The following PTPN2 variants were observed in gnomAD, a reference collection of about 807,000 sequenced individuals.
PTPN2 encodes tyrosine-protein phosphatase non-receptor type 2.
PTPN2 carries 19 observed loss-of-function variants against 57.3 expected under a neutral mutation model. That is an observed-to-expected ratio of 0.33 (90% CI 0.23 to 0.49). The LOEUF (loss-of-function observed/expected upper bound fraction) is 0.49. Ranked by LOEUF, PTPN2 falls within the 20% of genes least tolerant of loss-of-function variation. The probability of loss-of-function intolerance (pLI) is 0.99; values close to 1 mark genes in which losing one functional copy is unlikely to be tolerated. For synonymous variants in PTPN2, 153 were observed against 164.9 expected, an observed-to-expected ratio of 0.93 and a Z score of 0.55; for missense variants, 358 against 501.1, an observed-to-expected ratio of 0.71 and a Z score of 2.73.
At chr18:12,786,123 A>C (rs899650461) in intron 9 of PTPN2, 1 of 438,796 alleles carries the variant, frequency 2.3e-6, no homozygotes, top group African/African-American at 2.1e-5. Context: ...TCTTAAGGTC[A>C]TCTTATTTTA....
At chr18:12,860,811 C>T (rs1225512126) in intron 1 of PTPN2, among the ~76,000 whole-genome samples, 4 of 152,114 alleles carry the variant, frequency 2.6e-5, no homozygotes, top group Non-Finnish European at 5.9e-5. Context: ...AGGCTATGTC[C>T]GCACTAAGCT....
chr18:12,832,319 G>T (rs1452977419), intron 3 of PTPN2, among the ~76,000 whole-genome samples: 1 of 152,076 alleles, frequency 6.6e-6, no homozygotes, highest in Non-Finnish European at 1.5e-5. Flanking sequence ...GTTTCACCAT[G>T]TTGGCCAGGT....
rs558453144 is a variant in PTPN2, at chr18:12,883,962, G to A, written c.69+111C>T. 28 of 944,608 alleles carry A rather than the reference G, an allele frequency of 3.0e-5. No homozygotes were observed. In the African/African-American group the frequency reaches 3.0e-4, roughly 10 times the overall value. 58.5% of individuals were successfully genotyped at this position (944,608 alleles called of 1,614,324 possible). A position where few individuals can be genotyped will look rare whatever the true frequency, so the allele number is the denominator to read the frequency against. On this transcript the variant is annotated intron_variant, in intron 1 of 8. Transcript: ENST00000309660. Reference sequence around the variant, plus strand: ...CGGACCGCGCCGCCACTTCCGCCCCGAGCGAGAGGCTAGAGGCGAGAGGCG... The same window carrying A: ...CGGACCGCGCCGCCACTTCCGCCCCAAGCGAGAGGCTAGAGGCGAGAGGCG...
chr18:12,852,233 T>C (rs541362563), intron 2 of PTPN2, among the ~76,000 whole-genome samples: 10 of 67,074 alleles, frequency 1.5e-4, no homozygotes, highest in African/African-American at 4.1e-4. Flanking sequence ...CACACACAGA[T>C]TGTTTCATGG....
chr18:12,868,388 G>A (rs1030959061), intron 1 of PTPN2, among the ~76,000 whole-genome samples: 4 of 151,984 alleles, frequency 2.6e-5, no homozygotes, highest in Non-Finnish European at 5.9e-5. Context: ...CCAAGTGACT[G>A]GGATAACAGG....
At chr18:12,846,132 T>G (rs2043197589) in intron 2 of PTPN2, among the ~76,000 whole-genome samples, 2 of 152,236 alleles carry the variant, frequency 1.3e-5, no homozygotes. Flanking sequence ...ATGCTAAGTA[T>G]TCACTGCATC....
chr18:12,840,713 C>T, intron 2 of PTPN2: 1 of 1,598,134 alleles, frequency 6.3e-7, no homozygotes, highest in Non-Finnish European at 8.5e-7. Flanking sequence ...TAAGAGATTA[C>T]CTATTTCCTG....
intron 9 of PTPN2, chr18:12,785,937 T>C: frequency 1.8e-6 from 2 of 1,132,680 alleles, no homozygotes; most frequent in South Asian, 1.3e-5. Flanking sequence ...GGACTAACAA[T>C]GAACTGAAAA....
chr18:12,802,123 T>A lies in PTPN2; in HGVS notation c.887A>T (p.Asp296Val). 1 of 1,609,902 alleles carries A rather than the reference T, an allele frequency of 6.2e-7. No homozygotes were observed. The highest frequency in any genetic ancestry group is 8.5e-7 in the Non-Finnish European group (1 of 1,178,164). Residue 296 changes from aspartate (D) to valine (V), a missense_variant, in exon 8 of 9, where the codon GAC becomes GTC. By Grantham distance (152) the Asp-to-Val change is radical. Coordinates refer to ENST00000309660, the MANE Select transcript of PTPN2 (RefSeq NM_002828.4). ...QKRWKELSKEDLSPAFDHSPN... is the reference protein window; with the variant it reads ...QKRWKELSKEVLSPAFDHSPN... ...TGAATGATCAAAGGCAGGAGATAAG[T>A]CTTCCTTAGAAAGTTCTTTCCATCG...
chr18:12,844,005 T>A (rs1457098758), intron 2 of PTPN2: 1 of 152,226 alleles, frequency 6.6e-6, no homozygotes, highest in Non-Finnish European at 1.5e-5. Context: ...AGAATTCTCA[T>A]CATTTCAAGA....
intron 1 of PTPN2, among the ~76,000 whole-genome samples, chr18:12,870,394 T>TAC (rs1203247351): frequency 1.2e-5 from 1 of 84,784 alleles, no homozygotes; most frequent in Non-Finnish European, 2.0e-5. Context: ...CGTATATATG[T>TAC]ATATATACAC....
intron 7 of PTPN2, among the ~76,000 whole-genome samples, chr18:12,809,621 CAA>C (rs1315775613): frequency 6.6e-6 from 1 of 152,134 alleles, no homozygotes; most frequent in Admixed American, 6.6e-5. Context: ...ATCAAGGACG[CAA>C]GGAGTCTTGG....
chr18:12,850,816 C>T (rs1365102830), intron 2 of PTPN2, among the ~76,000 whole-genome samples: 1 of 151,884 alleles, frequency 6.6e-6, no homozygotes, highest in African/African-American at 2.4e-5. Flanking sequence ...CTTGGCTCAC[C>T]GCAACCTCTG....
chr18:12,836,205 C>T (rs977740928), intron 3 of PTPN2, among the ~76,000 whole-genome samples: 19 of 152,196 alleles, frequency 1.2e-4, no homozygotes, highest in Admixed American at 1.1e-3. Flanking sequence ...AAAATCTCTC[C>T]TACTATCTCA....
At chr18:12,858,229 T>G (rs1162860237) in intron 2 of PTPN2, among the ~76,000 whole-genome samples, 2 of 152,150 alleles carry the variant, frequency 1.3e-5, no homozygotes, top group East Asian at 1.9e-4. Flanking sequence ...AACCAGAATG[T>G]GATCAATCTG....
At chr18:12,828,973 C>CTG (rs1038149281) in intron 4 of PTPN2, among the ~76,000 whole-genome samples, 3 of 152,248 alleles carry the variant, frequency 2.0e-5, no homozygotes, top group Admixed American at 6.5e-5. Context: ...CCATAGCTAA[C>CTG]TGTAGCCTTG....
chr18:12,803,900 T>C (rs1229649579), intron 7 of PTPN2, among the ~76,000 whole-genome samples: 1 of 152,070 alleles, frequency 6.6e-6, no homozygotes, highest in Non-Finnish European at 1.5e-5. Context: ...TTACAGAACA[T>C]TCCCTCCAAC....
intron 1 of PTPN2, among the ~76,000 whole-genome samples, chr18:12,865,165 G>A (rs2145492813): frequency 6.6e-6 from 1 of 152,272 alleles, no homozygotes; most frequent in African/African-American, 2.4e-5. Flanking sequence ...AAGAAACTGA[G>A]GCCAGGCGCT....
intron 2 of PTPN2, among the ~76,000 whole-genome samples, chr18:12,856,625 C>T (rs1401234568): frequency 6.6e-6 from 1 of 152,188 alleles, no homozygotes; most frequent in Non-Finnish European, 1.5e-5. Flanking sequence ...AAGAGTCTCC[C>T]TGCAGCCTTC....
Sources: allele counts gnomAD v4.1 joint callset (sites outside exome capture counted in the v4.1 genomes callset), GRCh38; gene constraint gnomAD v4.1.1; transcripts MANE v1.5; gene names NCBI Gene and HGNC (gene_info 2026-07-23, HGNC 2026-07-21).